GRM8: variants seen among roughly 807,000 people sequenced by gnomAD.
The protein encoded by GRM8 is metabotropic glutamate receptor 8.
GRM8 carries 47 observed loss-of-function variants against 87.2 expected under a neutral mutation model. That is an observed-to-expected ratio of 0.54 (90% confidence interval 0.43 to 0.69). The LOEUF (loss-of-function observed/expected upper bound fraction) is 0.69. Among genes scored for constraint, GRM8 ranks in the 30% least tolerant of loss-of-function variants. The pLI, the probability that GRM8 is intolerant of heterozygous loss-of-function variation, is 0.00. For synonymous variants in GRM8, 396 were observed against 404.5 expected (o/e 0.98, Z 0.25); for missense variants, 1,019 against 1,139.2 (o/e 0.89, Z 1.52).
At chr7:126,814,513 C>T (rs1489207197) in intron 6 of GRM8, among the ~76,000 whole-genome samples, 1 of 152,030 alleles carries the variant, frequency 6.6e-6, no homozygotes, top group Non-Finnish European at 1.5e-5. Context: ...AATAGTTGGT[C>T]TTCAGAAGCA....
rs78935779 is a variant in GRM8, at chr7:127,017,919, G to A, written c.727+88577C>T. Among the ~76,000 whole-genome samples the A allele has an allele frequency of 5.9e-3, 898 of 152,000 alleles. 3 individuals are homozygous for A. The highest frequency in any genetic ancestry group is 9.5e-3 in the Non-Finnish European group (647 of 67,924). On this transcript the variant is annotated intron_variant, in intron 3 of 10. Coordinates refer to ENST00000339582, the MANE Select transcript of GRM8 (RefSeq NM_000845.3). ...CATTTTTTTAAAAAAGAAAAAACAGGAAAGAAAATCCAACAAAATATATTC... is the reference window on the plus strand; with the variant it reads ...CATTTTTTTAAAAAAGAAAAAACAGAAAAGAAAATCCAACAAAATATATTC...
At chr7:126,717,859 C>A (rs1255785863) in intron 7 of GRM8, among the ~76,000 whole-genome samples, 2 of 152,086 alleles carry the variant, frequency 1.3e-5, no homozygotes, top group Non-Finnish European at 2.9e-5. Flanking sequence ...CATCTAAACT[C>A]TTTGCTTATT....
At chr7:127,071,464 AAGTC>A (rs1377093947) in intron 3 of GRM8, among the ~76,000 whole-genome samples, 1 of 152,198 alleles carries the variant, frequency 6.6e-6, no homozygotes, top group Non-Finnish European at 1.5e-5. Context: ...ATTAGACTCA[AAGTC>A]AAGCATGAAG....
At chr7:126,649,594 G>C (rs1339521594) in intron 7 of GRM8, among the ~76,000 whole-genome samples, 1 of 152,126 alleles carries the variant, frequency 6.6e-6, no homozygotes, top group Non-Finnish European at 1.5e-5. Context: ...GACTAATACA[G>C]ATTTTGGTAC....
chr7:127,088,947 T>G (rs1175188244), intron 3 of GRM8, among the ~76,000 whole-genome samples: 1 of 152,198 alleles, frequency 6.6e-6, no homozygotes, highest in Non-Finnish European at 1.5e-5. Flanking sequence ...GCCTTGGACT[T>G]CTGCGGACAC....
intron 3 of GRM8, among the ~76,000 whole-genome samples, chr7:127,035,783 C>T (rs1245030958): frequency 6.6e-6 from 1 of 152,144 alleles, no homozygotes. Flanking sequence ...TTAGTTAATT[C>T]TTCCCGTAGA....
intron 7 of GRM8, among the ~76,000 whole-genome samples, chr7:126,644,024 G>T (rs1802764100): frequency 6.6e-6 from 1 of 152,212 alleles, no homozygotes; most frequent in South Asian, 2.1e-4. Flanking sequence ...TGGTTAAAAG[G>T]AAATCATGTA....
intron 9 of GRM8, among the ~76,000 whole-genome samples, chr7:126,489,633 T>C (rs929189574): frequency 1.3e-5 from 2 of 152,094 alleles, no homozygotes; most frequent in African/African-American, 4.8e-5. Context: ...TAGACTTTTC[T>C]TTTTCCCTTT....
intron 6 of GRM8, among the ~76,000 whole-genome samples, chr7:126,884,285 T>TA (rs1445376884): frequency 2.0e-5 from 3 of 151,972 alleles, no homozygotes; most frequent in Admixed American, 6.6e-5. Context: ...ACCTGTGAAT[T>TA]AAAAAAAGGA....
chr7:126,902,319 G>A (rs1355413633), intron 6 of GRM8, among the ~76,000 whole-genome samples: 1 of 152,036 alleles, frequency 6.6e-6, no homozygotes, highest in Non-Finnish European at 1.5e-5. Flanking sequence ...TGTATGCATG[G>A]TATATGTTCA....
intron 7 of GRM8, among the ~76,000 whole-genome samples, chr7:126,623,817 C>A (rs1469631895): frequency 6.6e-6 from 1 of 152,170 alleles, no homozygotes; most frequent in Non-Finnish European, 1.5e-5. Context: ...GTGGCATACA[C>A]CTGTAATTCC....
intron 7 of GRM8, among the ~76,000 whole-genome samples, chr7:126,638,752 G>A (rs1017824538): frequency 2.6e-5 from 4 of 152,120 alleles, no homozygotes; most frequent in Non-Finnish European, 5.9e-5. Flanking sequence ...AGAAGGTAGG[G>A]CACTACAGAA....
intron 8 of GRM8, among the ~76,000 whole-genome samples, chr7:126,566,936 A>T (rs1794267264): frequency 6.6e-6 from 1 of 152,186 alleles, no homozygotes; most frequent in Admixed American, 6.5e-5. Flanking sequence ...CAGAAAGACA[A>T]ATACTGCATG....
chr7:126,580,693 C>T (rs926651293), intron 8 of GRM8, among the ~76,000 whole-genome samples: 1 of 152,058 alleles, frequency 6.6e-6, no homozygotes, highest in Non-Finnish European at 1.5e-5. Flanking sequence ...GTTTCCTCTT[C>T]TATAAAATGG....
At chr7:127,174,788 T>C (rs1453205371) in intron 2 of GRM8, among the ~76,000 whole-genome samples, 1 of 152,188 alleles carries the variant, frequency 6.6e-6, no homozygotes, top group Non-Finnish European at 1.5e-5. Context: ...CTGATGTTCA[T>C]AAACATCAAG....
At chr7:127,066,463 C>T (rs1180677968) in intron 3 of GRM8, among the ~76,000 whole-genome samples, 4 of 152,034 alleles carry the variant, frequency 2.6e-5, no homozygotes, top group African/African-American at 9.7e-5. Flanking sequence ...CTTTCTCAGA[C>T]ATTATCTCAT....
chr7:126,689,247 GC>G (rs1291596596), intron 7 of GRM8, among the ~76,000 whole-genome samples: 1 of 152,078 alleles, frequency 6.6e-6, no homozygotes, highest in Non-Finnish European at 1.5e-5. Flanking sequence ...CCCCAATAAA[GC>G]CTGTTCCTTA....
intron 7 of GRM8, among the ~76,000 whole-genome samples, chr7:126,645,085 T>C (rs1230243735): frequency 6.6e-6 from 1 of 152,214 alleles, no homozygotes; most frequent in Non-Finnish European, 1.5e-5. Flanking sequence ...GCTAGGACGA[T>C]ACTAGTCTCC....
intron 3 of GRM8, among the ~76,000 whole-genome samples, chr7:127,080,317 C>G (rs1563486323): frequency 6.6e-6 from 1 of 152,220 alleles, no homozygotes; most frequent in African/African-American, 2.4e-5. Context: ...GAGCACAGCT[C>G]TGCTGAATAA....
Sources: gnomAD v4.1 joint callset for allele counts (sites outside exome capture counted in the v4.1 genomes callset) on GRCh38, gnomAD v4.1.1 for gene constraint, MANE v1.5 for transcripts, NCBI Gene and HGNC (gene_info 2026-07-23, HGNC 2026-07-21) for gene names.